EXOC2: variants seen among roughly 807,000 people sequenced by gnomAD.
The protein encoded by EXOC2 is exocyst complex component 2, also known as SEC5-like 1.
A neutral mutation model predicts 131.8 loss-of-function variants in EXOC2; 70 were observed. The ratio of observed to expected loss-of-function variants is 0.53; its 90% CI spans 0.44 to 0.65. The LOEUF is 0.65. Ranked by LOEUF, EXOC2 falls within the 30% of genes least tolerant of loss-of-function variation. The pLI is 0.00. For missense variants in EXOC2, 923 were observed against 1,108.6 expected (o/e 0.83, Z 2.38); for synonymous variants, 411 against 398.4 (o/e 1.03, Z -0.38).
intron 3 of EXOC2, among the ~76,000 whole-genome samples, chr6:631,316 A>G (rs1281664827): frequency 1.3e-5 from 2 of 152,056 alleles, no homozygotes; most frequent in Non-Finnish European, 2.9e-5. Flanking sequence ...GAGGTGGGCG[A>G]ATCACAAGGT....
At chr6:644,429 C>T (rs1315011412) in intron 1 of EXOC2, among the ~76,000 whole-genome samples, 14 of 152,102 alleles carry the variant, frequency 9.2e-5, no homozygotes, top group Admixed American at 9.2e-4. Context: ...TGCTTTCCCC[C>T]CTTTCGAACA....
intron 23 of EXOC2, among the ~76,000 whole-genome samples, chr6:527,205 G>A (rs1251078414): frequency 6.6e-6 from 1 of 152,092 alleles, no homozygotes; most frequent in East Asian, 1.9e-4. Context: ...TCCATTTTTT[G>A]AAAATCAAAC....
intron 27 of EXOC2, 105 bp downstream of exon 27, chr6:488,874 C>T: frequency 8.3e-7 from 1 of 1,211,044 alleles, no homozygotes; most frequent in Non-Finnish European, 1.2e-6. Flanking sequence ...TATTTGGATT[C>T]TGCTCTTCCT....
At chr6:670,111 T>A (rs969166270) in intron 1 of EXOC2, 2 of 152,264 alleles carry the variant, frequency 1.3e-5, no homozygotes, top group Non-Finnish European at 2.9e-5. Flanking sequence ...CTCAGAGCCA[T>A]CGTACTTTTG....
At position 560,126 on chromosome 6, in the gene EXOC2, A is replaced by G. The variant is rs571906116; in HGVS notation, c.1851+2658T>C. Among the ~76,000 whole-genome samples the G allele has an allele frequency of 2.0e-5, 3 of 152,320 alleles. No homozygotes were observed. The South Asian group carries it at 6.2e-4, about 32-fold the overall frequency. ...GTATTATTATCATAGTAGCCCAGTG[A>G]TCACAAGTATTAATTTAACAAATAA... On this transcript the variant is annotated intron_variant, in intron 17 of 27. Coordinates refer to ENST00000230449, the MANE Select transcript of EXOC2 (RefSeq NM_018303.6).
At chr6:502,708 C>T (rs898530486) in intron 23 of EXOC2, among the ~76,000 whole-genome samples, 3 of 151,986 alleles carry the variant, frequency 2.0e-5, no homozygotes, top group African/African-American at 4.8e-5. Flanking sequence ...TATTTTGGGT[C>T]GAGCACAGGT....
At chr6:540,301 G>C (rs1376728577) in intron 22 of EXOC2, among the ~76,000 whole-genome samples, 1 of 152,094 alleles carries the variant, frequency 6.6e-6, no homozygotes, top group Non-Finnish European at 1.5e-5. Context: ...CTATATATTA[G>C]GCTTCAATTG....
At chr6:599,023 A>C in intron 8 of EXOC2, 57 bp downstream of exon 8, 5 of 1,566,462 alleles carry the variant, frequency 3.2e-6, no homozygotes, top group Non-Finnish European at 4.3e-6. Context: ...ATCTTAAAAA[A>C]TCTTAAAAAT....
At chr6:490,790 A>T (rs1163496732) in intron 26 of EXOC2, among the ~76,000 whole-genome samples, 1 of 152,172 alleles carries the variant, frequency 6.6e-6, no homozygotes, top group Non-Finnish European at 1.5e-5. Flanking sequence ...GAGAAACCAC[A>T]AGGCTTCCTC....
intron 24 of EXOC2, among the ~76,000 whole-genome samples, chr6:498,615 T>C (rs770961059): frequency 3.9e-5 from 6 of 152,214 alleles, no homozygotes; most frequent in Non-Finnish European, 8.8e-5. Context: ...GTTCTATAGT[T>C]TTCTTTCTGC....
At chr6:617,314 G>A (rs1447779915) in intron 6 of EXOC2, among the ~76,000 whole-genome samples, 2 of 152,242 alleles carry the variant, frequency 1.3e-5, no homozygotes, top group African/African-American at 2.4e-5. Context: ...GCGCCTGTGC[G>A]ATAAGGGCTG....
chr6:526,728 C>G (rs1383581976), intron 23 of EXOC2, among the ~76,000 whole-genome samples: 1 of 152,162 alleles, frequency 6.6e-6, no homozygotes, highest in Non-Finnish European at 1.5e-5. Flanking sequence ...GAGTGAGCCA[C>G]CGCGCCCGGC....
At chr6:553,768 G>C in intron 21 of EXOC2, 86 bp downstream of exon 21, 1 of 1,080,988 alleles carries the variant, frequency 9.3e-7, no homozygotes. Context: ...GCTATAGCAA[G>C]GATGCAGGAA....
rs377100210 is a variant in EXOC2 at position 503,735 on chromosome 6, C to T, written c.2381-4035G>A. Among the ~76,000 whole-genome samples the T allele has an allele frequency of 4.7e-4, 71 of 152,086 alleles. 1 individual carries two copies. Among genetic ancestry groups the T allele is most frequent in the African/African-American group, 1.5e-3 (61 of 41,468 alleles). Reference sequence around the variant, plus strand: ...AAGGGCCTAGAGACCAGATAGTGTCCGTGTCTGGGAAACCGGTAAGATCTC... The same window carrying T: ...AAGGGCCTAGAGACCAGATAGTGTCTGTGTCTGGGAAACCGGTAAGATCTC... On this transcript the variant is annotated intron_variant, in intron 23 of 27. Coordinates refer to ENST00000230449, the MANE Select transcript of EXOC2 (RefSeq NM_018303.6).
At chr6:526,951 A>G (rs2127533005) in intron 23 of EXOC2, among the ~76,000 whole-genome samples, 1 of 152,350 alleles carries the variant, frequency 6.6e-6, no homozygotes, top group East Asian at 1.9e-4. Flanking sequence ...GCTGTTATAT[A>G]GATTAAATCA....
intron 5 of EXOC2, among the ~76,000 whole-genome samples, chr6:619,124 T>C (rs1761157421): frequency 6.6e-6 from 1 of 152,190 alleles, no homozygotes; most frequent in East Asian, 1.9e-4. Flanking sequence ...GAGATCACAT[T>C]CATACATGTC....
In EXOC2 at chr6:619,479, C is replaced by T; in HGVS notation, c.487G>A (p.Glu163Lys). The change falls in exon 5 of 28, where the codon GAG (glutamate) becomes AAG (lysine). Residue 163 changes from glutamate to lysine, a missense_variant. Glu to Lys is a moderately conservative substitution (Grantham distance 56, BLOSUM62 1). Coordinates refer to ENST00000230449, the MANE Select transcript of EXOC2 (RefSeq NM_018303.6). ...AGATACCAGGCTGCTGAGAAATTCT[C>T]ACTTGTAAAATCAGCACTCATTCCA... ...FHGMSADFTS[E>K]NFSAAWYLIE... 1 of 1,614,100 alleles carries T rather than the reference C, an allele frequency of 6.2e-7. No homozygotes were observed. Among genetic ancestry groups the T allele is most frequent in the Non-Finnish European group, 8.5e-7 (1 of 1,179,994 alleles).
intron 13 of EXOC2, among the ~76,000 whole-genome samples, chr6:567,662 T>C (rs1029612203): frequency 2.7e-5 from 4 of 148,546 alleles, no homozygotes; most frequent in African/African-American, 7.6e-5. Flanking sequence ...TACGTGTACA[T>C]GATGTGTTGT....
At chr6:530,008 G>C (rs951465733) in intron 23 of EXOC2, among the ~76,000 whole-genome samples, 1 of 152,216 alleles carries the variant, frequency 6.6e-6, no homozygotes, top group Admixed American at 6.5e-5. Flanking sequence ...AGATACACTT[G>C]ACAGTCGCAT....
Sources: allele counts gnomAD v4.1 joint callset (sites outside exome capture counted in the v4.1 genomes callset), GRCh38; gene constraint gnomAD v4.1.1; transcripts MANE v1.5; gene names NCBI Gene and HGNC (gene_info 2026-07-23, HGNC 2026-07-21).